GRM7: variants seen among roughly 807,000 people sequenced by gnomAD.
GRM7 encodes the protein glutamate metabotropic receptor 7, also known as metabotropic glutamate receptor 7.
Under a neutral mutation model 84.5 loss-of-function variants are expected in GRM7, and 35 were observed. That is an observed-to-expected ratio of 0.41 (90% CI 0.32 to 0.55). The LOEUF (loss-of-function observed/expected upper bound fraction) is 0.55, where lower values mean the gene tolerates loss of function less well. Among genes scored for constraint, GRM7 ranks in the 20% least tolerant of loss-of-function variants. The probability of loss-of-function intolerance (pLI) is 0.19; values close to 1 mark genes in which losing one functional copy is unlikely to be tolerated. For missense variants in GRM7, 1,003 were observed against 1,194.6 expected (o/e 0.84, Z 2.36); for synonymous variants, 487 against 455.1 (o/e 1.07, Z -0.89).
intron 4 of GRM7, among the ~76,000 whole-genome samples, chr3:7,319,967 T>C (rs1700715555): frequency 6.6e-6 from 1 of 152,078 alleles, no homozygotes. Context: ...AATATTTCTA[T>C]CACACCAGAT....
chr3:7,066,814 A>G (rs1697682503), intron 1 of GRM7, among the ~76,000 whole-genome samples: 2 of 152,070 alleles, frequency 1.3e-5, no homozygotes, highest in South Asian at 2.1e-4. Context: ...TATCAAAAAG[A>G]TAATCCACCA....
chr3:7,122,416 CA>C (rs1243945765), intron 1 of GRM7, among the ~76,000 whole-genome samples: 1 of 151,444 alleles, frequency 6.6e-6, no homozygotes, highest in African/African-American at 2.4e-5. Context: ...TATAGGTTGT[CA>C]AAAAAAGATT....
intron 4 of GRM7, among the ~76,000 whole-genome samples, chr3:7,368,993 A>G (rs1432768051): frequency 5.0e-3 from 2 of 402 alleles, no homozygotes; most frequent in Non-Finnish European, 9.3e-3. Context: ...GTCACCTTTA[A>G]TTCTTCAGTT....
intron 7 of GRM7, among the ~76,000 whole-genome samples, chr3:7,469,509 G>T (rs980316863): frequency 6.6e-6 from 1 of 152,170 alleles, no homozygotes; most frequent in Non-Finnish European, 1.5e-5. Context: ...GTTATCATTG[G>T]CCATTTATTT....
intron 3 of GRM7, among the ~76,000 whole-genome samples, chr3:7,299,313 T>C (rs1365799566): frequency 6.6e-6 from 1 of 152,184 alleles, no homozygotes; most frequent in Admixed American, 6.5e-5. Flanking sequence ...ATCTTGACTT[T>C]GCTTTTTTCC....
intron 7 of GRM7, chr3:7,520,237 C>T (rs914837544): frequency 2.0e-5 from 3 of 152,062 alleles, no homozygotes; most frequent in African/African-American, 7.2e-5. Context: ...ACATTGTCTT[C>T]CCAGAAGAGC....
chr3:6,869,010 G>A (rs1695027753), intron 1 of GRM7, among the ~76,000 whole-genome samples: 1 of 152,006 alleles, frequency 6.6e-6, no homozygotes, highest in African/African-American at 2.4e-5. Context: ...CTACATTATT[G>A]TTTAAATAAA....
chr3:7,641,130 C>G (rs538295933), intron 8 of GRM7, among the ~76,000 whole-genome samples: 2 of 152,238 alleles, frequency 1.3e-5, no homozygotes, highest in South Asian at 4.1e-4. Context: ...TGATTGTTTG[C>G]AAATGAAGCA....
chr3:6,864,692 G>A (rs531239456), intron 1 of GRM7, among the ~76,000 whole-genome samples: 1 of 152,314 alleles, frequency 6.6e-6, no homozygotes, highest in African/African-American at 2.4e-5. Flanking sequence ...TACGTTTATA[G>A]TGAGATAAGA....
intron 7 of GRM7, among the ~76,000 whole-genome samples, chr3:7,503,594 A>G (rs1168916865): frequency 1.3e-5 from 2 of 152,128 alleles, no homozygotes; most frequent in African/African-American, 4.8e-5. Context: ...TACAGAGTGG[A>G]TCGCCCACTC....
chr3:6,882,564 G>C (rs1478021678), intron 1 of GRM7, among the ~76,000 whole-genome samples: 1 of 151,960 alleles, frequency 6.6e-6, no homozygotes, highest in South Asian at 2.1e-4. Flanking sequence ...AAAATAAAAA[G>C]TATAAATAAC....
rs192128662 is a variant in GRM7, at chr3:7,248,155, A to G, written c.737-50529A>G. 5.3e-5 allele frequency among the ~76,000 whole-genome samples: 8 copies of G among 152,344 alleles called. No individual in the cohort carries two copies. In the East Asian group the frequency reaches 1.5e-3, roughly 29 times the overall value. On this transcript the variant is annotated intron_variant, in intron 2 of 9. Coordinates refer to ENST00000357716, the MANE Select transcript of GRM7 (RefSeq NM_000844.4). The stretch of plus-strand genomic sequence containing the variant: ...AAATAATGAAAGCATGTCCACTTAC[A>G]GACTTATACTCAATGCTTATAGCAG...
At chr3:6,982,626 C>A (rs1373519210) in intron 1 of GRM7, among the ~76,000 whole-genome samples, 1 of 151,758 alleles carries the variant, frequency 6.6e-6, no homozygotes. Context: ...AAAAAAAAAC[C>A]TTTATGTTAT....
intron 8 of GRM7, among the ~76,000 whole-genome samples, chr3:7,626,809 T>C (rs1008660550): frequency 6.6e-6 from 1 of 152,162 alleles, no homozygotes; most frequent in Admixed American, 6.6e-5. Context: ...CTTTAAAATA[T>C]GAATTTGGGG....
chr3:7,221,646 C>A lies in GRM7; in HGVS notation c.736+74978C>A, dbSNP rs1278090159. 7.9e-5 allele frequency among the ~76,000 whole-genome samples: 12 copies of A among 151,488 alleles called. No individual in the cohort carries two copies. In the East Asian group the frequency reaches 2.3e-3, roughly 29 times the overall value. ...TTTTATACTTCTTTTCATTTATTGT[C>A]TCTACTGATATATTAATTTTAAATC... On this transcript the variant is annotated intron_variant, in intron 2 of 9. Transcript: ENST00000357716.
intron 2 of GRM7, among the ~76,000 whole-genome samples, chr3:7,224,529 C>T (rs920168753): frequency 7.2e-5 from 11 of 152,166 alleles, no homozygotes; most frequent in Non-Finnish European, 1.3e-4. Context: ...AGTCATGGCC[C>T]TTGTAGATGC....
intron 2 of GRM7, among the ~76,000 whole-genome samples, chr3:7,189,598 TAGAA>T (rs1378702475): frequency 6.6e-6 from 1 of 152,130 alleles, no homozygotes; most frequent in Non-Finnish European, 1.5e-5. Context: ...TGATTATAGA[TAGAA>T]AGAAGAGAGA....
chr3:7,338,800 G>T (rs1335375397), intron 4 of GRM7, among the ~76,000 whole-genome samples: 1 of 152,036 alleles, frequency 6.6e-6, no homozygotes, highest in Non-Finnish European at 1.5e-5. Context: ...GGGTACACTA[G>T]TGTTGAAACC....
chr3:7,277,549 G>A (rs576151876), intron 2 of GRM7, among the ~76,000 whole-genome samples: 10 of 152,074 alleles, frequency 6.6e-5, no homozygotes, highest in Admixed American at 2.0e-4. Flanking sequence ...GTATACCCAC[G>A]TTTTTAAAAA....
Sources: gnomAD v4.1 joint callset for allele counts (sites outside exome capture counted in the v4.1 genomes callset) on GRCh38, gnomAD v4.1.1 for gene constraint, MANE v1.5 for transcripts, NCBI Gene and HGNC (gene_info 2026-07-23, HGNC 2026-07-21) for gene names.